PRDM6: variants seen among roughly 807,000 people sequenced by gnomAD.
The protein encoded by PRDM6 is putative histone-lysine N-methyltransferase PRDM6.
Under a neutral mutation model 60.8 loss-of-function variants are expected in PRDM6, and 25 were observed. The ratio of observed to expected loss-of-function variants is 0.41; its 90% CI spans 0.30 to 0.57. The LOEUF (loss-of-function observed/expected upper bound fraction) is 0.57, where lower values mean the gene tolerates loss of function less well. Among genes scored for constraint, PRDM6 ranks in the 20% least tolerant of loss-of-function variants. The pLI, the probability that PRDM6 is intolerant of heterozygous loss-of-function variation, is 0.27. For missense variants in PRDM6, 839 were observed against 821.3 expected, an observed-to-expected ratio of 1.02 and a Z score of -0.26; for synonymous variants, 407 against 357.4, an observed-to-expected ratio of 1.14 and a Z score of -1.57.
chr5:123,125,878 A>G (rs1188148203), intron 3 of PRDM6, among the ~76,000 whole-genome samples: 1 of 152,198 alleles, frequency 6.6e-6, no homozygotes, highest in African/African-American at 2.4e-5. Flanking sequence ...GAGAAACTGT[A>G]GAATATTCTT....
intron 5 of PRDM6, among the ~76,000 whole-genome samples, chr5:123,165,170 G>A (rs918143686): frequency 2.6e-5 from 4 of 152,206 alleles, no homozygotes; most frequent in South Asian, 2.1e-4. Flanking sequence ...CTTACTGAGC[G>A]CCAGACTCCT....
chr5:123,180,358 C>T, intron 7 of PRDM6, 35 bp downstream of exon 7: 4 of 1,516,424 alleles, frequency 2.6e-6, no homozygotes, highest in Non-Finnish European at 3.6e-6. Flanking sequence ...CTCTCTTTCT[C>T]TTAGCCTTTC....
chr5:123,157,242 A>G (rs1169947770), intron 4 of PRDM6, among the ~76,000 whole-genome samples: 3 of 152,068 alleles, frequency 2.0e-5, no homozygotes, highest in Non-Finnish European at 4.4e-5. Flanking sequence ...TAACAGTTTA[A>G]ATGAAGTAGC....
chr5:123,159,341 C>G (rs1366279778), intron 4 of PRDM6, among the ~76,000 whole-genome samples, 173 bp from the exon 5 acceptor site: 1 of 152,184 alleles, frequency 6.6e-6, no homozygotes, highest in Non-Finnish European at 1.5e-5. Flanking sequence ...GTTTATCACA[C>G]TGAGTTACAG....
chr5:123,093,337 A>AT (rs1180387740), intron 2 of PRDM6, among the ~76,000 whole-genome samples: 1 of 152,200 alleles, frequency 6.6e-6, no homozygotes. Context: ...TCAGCAATAC[A>AT]TATCATTGCT....
rs1361106181 is a variant in PRDM6 at position 123,090,521 on chromosome 5, C to G, written c.507C>G (p.Ser169Arg). Residue 169 changes from serine to arginine, a missense_variant, in exon 2 of 8, where the codon AGC (serine) becomes AGG (arginine). By Grantham distance (110) the Ser-to-Arg change is moderately radical. Coordinates refer to ENST00000407847, the MANE Select transcript of PRDM6 (RefSeq NM_001136239.4). ...EGRGAPRFRC[S>R]AEELDYYLYG... ...GCGGCGCCCCGCGCTTCCGCTGCAGCGCAGAGGAGCTGGACTATTACCTGT... is the reference window on the plus strand; with the variant it reads ...GCGGCGCCCCGCGCTTCCGCTGCAGGGCAGAGGAGCTGGACTATTACCTGT... 6.6e-7 allele frequency: 1 copy of G among 1,504,564 alleles called. No homozygotes were observed. The highest frequency in any genetic ancestry group is 8.8e-7 in the Non-Finnish European group (1 of 1,135,326). The allele number at this position is 1,504,564 out of a possible 1,614,324, so 93.2% of individuals were successfully genotyped here. A position where few individuals can be genotyped will look rare whatever the true frequency, so the allele number is the denominator to read the frequency against.
In PRDM6 at chr5:123,155,327, C is replaced by A. The variant is rs1561860829; in HGVS notation, c.901-557C>A. Reference sequence around the variant, plus strand: ...TAGTTTCAGGTCCTGAAAACTGAAGCCCTACATCTTCTTTGAGGTGAGAGT... The same window carrying A: ...TAGTTTCAGGTCCTGAAAACTGAAGACCTACATCTTCTTTGAGGTGAGAGT... On this transcript the variant is annotated intron_variant, in intron 3 of 7. Coordinates refer to ENST00000407847, the MANE Select transcript of PRDM6 (RefSeq NM_001136239.4). Among the ~76,000 whole-genome samples, 3 of 143,682 alleles carry A rather than the reference C, an allele frequency of 2.1e-5. No homozygotes were observed. In the East Asian group the frequency reaches 7.0e-4, roughly 34 times the overall value. 94.3% of individuals were successfully genotyped at this position (143,682 alleles called of 152,430 possible).
At chr5:123,185,866 C>T (rs77598828) in intron 7 of PRDM6, among the ~76,000 whole-genome samples, 1 of 152,118 alleles carries the variant, frequency 6.6e-6, no homozygotes, top group African/African-American at 2.4e-5. Context: ...GATAACAGGG[C>T]TTGTGGCTTT....
At chr5:123,120,437 G>C (rs1764555784) in intron 3 of PRDM6, among the ~76,000 whole-genome samples, 1 of 152,140 alleles carries the variant, frequency 6.6e-6, no homozygotes, top group Admixed American at 6.5e-5. Flanking sequence ...GTGTGGAGTT[G>C]AGCAGTTCAG....
rs1766371440 is a variant in PRDM6 at position 123,189,817 on chromosome 5, C to T, written c.*2616C>T. 1 of 152,214 alleles carries T rather than the reference C, an allele frequency of 6.6e-6. No homozygotes were observed. The highest frequency in any genetic ancestry group is 2.4e-5 in the African/African-American group (1 of 41,458). 9.4% of individuals were successfully genotyped at this position (152,214 alleles called of 1,614,324 possible). ...CTGTCTGTCCACAAAGACAGGCTTACACCTGGACATTGACTTGGAACCCTG... is the reference window on the plus strand; with the variant it reads ...CTGTCTGTCCACAAAGACAGGCTTATACCTGGACATTGACTTGGAACCCTG... On this transcript the variant is annotated 3_prime_UTR_variant, in exon 8 of 8. Transcript: ENST00000407847.
chr5:123,089,587 G>A (rs543553589), intron 1 of PRDM6, 68 bp downstream of exon 1: 2 of 181,352 alleles, frequency 1.1e-5, no homozygotes, highest in South Asian at 1.4e-4. Context: ...GTGGTCCTAG[G>A]TTGGGGGCGG....
intron 3 of PRDM6, among the ~76,000 whole-genome samples, chr5:123,112,329 C>T (rs1056251979): frequency 6.6e-6 from 1 of 152,202 alleles, no homozygotes; most frequent in Non-Finnish European, 1.5e-5. Flanking sequence ...CCAGCCCCTT[C>T]AGTGCAGTCC....
chr5:123,186,359 CT>C lies in PRDM6; in HGVS notation c.1674-721del, dbSNP rs537628849. Among the ~76,000 whole-genome samples the C allele has an allele frequency of 5.9e-5, 9 of 152,270 alleles. No homozygotes were observed. In the South Asian group the frequency reaches 1.9e-3, roughly 32 times the overall value. On this transcript the variant is annotated intron_variant, in intron 7 of 7. Coordinates refer to ENST00000407847, the MANE Select transcript of PRDM6 (RefSeq NM_001136239.4). ...GAACTCAAAGTCTCTAGATTACAGTCTTTTTTTGTTGTTGTTTCTCATTTAA... is the reference window on the plus strand; with the variant it reads ...GAACTCAAAGTCTCTAGATTACAGTCTTTTTTGTTGTTGTTTCTCATTTAA...
At chr5:123,153,773 G>T (rs868423401) in intron 3 of PRDM6, among the ~76,000 whole-genome samples, 1 of 152,142 alleles carries the variant, frequency 6.6e-6, no homozygotes, top group African/African-American at 2.4e-5. Flanking sequence ...CTGGTTAGTG[G>T]CTGGTGATCA....
intron 4 of PRDM6, among the ~76,000 whole-genome samples, chr5:123,156,905 G>A (rs565738975): frequency 6.6e-6 from 1 of 152,200 alleles, no homozygotes; most frequent in South Asian, 2.1e-4. Context: ...TCGAAAACGT[G>A]TGCTATATAA....
At chr5:123,096,926 G>A (rs1432781426) in intron 2 of PRDM6, among the ~76,000 whole-genome samples, 1 of 152,114 alleles carries the variant, frequency 6.6e-6, no homozygotes, top group African/African-American at 2.4e-5. Context: ...TCGTTGATGG[G>A]ATGACACGTG....
chr5:123,096,706 C>CATAT (rs1167175319), intron 2 of PRDM6, among the ~76,000 whole-genome samples: 3 of 152,156 alleles, frequency 2.0e-5, no homozygotes, highest in Admixed American at 6.5e-5. Context: ...ATTGGGAGAG[C>CATAT]CTCAGTTTTT....
At chr5:123,107,412 T>G (rs907465613) in intron 3 of PRDM6, among the ~76,000 whole-genome samples, 1 of 152,238 alleles carries the variant, frequency 6.6e-6, no homozygotes, top group Non-Finnish European at 1.5e-5. Flanking sequence ...GGTTTTCCTA[T>G]ATAAGAACAT....
intron 4 of PRDM6, among the ~76,000 whole-genome samples, chr5:123,158,318 G>T (rs1765553367): frequency 6.6e-6 from 1 of 152,124 alleles, no homozygotes; most frequent in Non-Finnish European, 1.5e-5. Context: ...ATTTTTTTAT[G>T]TAGCAGTGGA....
Sources: allele counts gnomAD v4.1 joint callset (sites outside exome capture counted in the v4.1 genomes callset), GRCh38; gene constraint gnomAD v4.1.1; transcripts MANE v1.5; gene names NCBI Gene and HGNC (gene_info 2026-07-23, HGNC 2026-07-21).